Variants in TRAPPC9 observed in about 807,000 individuals in gnomAD.
TRAPPC9 encodes the protein trafficking protein particle complex subunit 9.
Under a neutral mutation model 124.0 loss-of-function variants are expected in TRAPPC9, and 83 were observed. That is an observed-to-expected ratio of 0.67 (90% CI 0.56 to 0.80). The LOEUF (loss-of-function observed/expected upper bound fraction) is 0.80, where lower values mean the gene tolerates loss of function less well. TRAPPC9 is among the 30% of genes least tolerant of loss of function. TRAPPC9 has a pLI of 0.00. For missense variants in TRAPPC9, 1,302 were observed against 1,508.3 expected, an observed-to-expected ratio of 0.86 and a Z score of 2.27; for synonymous variants, 638 against 617.5, an observed-to-expected ratio of 1.03 and a Z score of -0.49.
chr8:140,221,626 G>C (rs1025731673), intron 16 of TRAPPC9, 43 bp from the exon 17 acceptor site: 1 of 1,588,332 alleles, frequency 6.3e-7, no homozygotes, highest in Non-Finnish European at 8.6e-7. Context: ...CGTCAGCTTG[G>C]TTTTGGGGTT....
At chr8:140,434,774 G>A (rs1163443009) in intron 4 of TRAPPC9, among the ~76,000 whole-genome samples, 1 of 152,024 alleles carries the variant, frequency 6.6e-6, no homozygotes, top group Non-Finnish European at 1.5e-5. Flanking sequence ...TTCGAGACCA[G>A]CCTGGCCAAC....
At chr8:140,392,990 C>T (rs1159771978) in intron 7 of TRAPPC9, among the ~76,000 whole-genome samples, 1 of 151,660 alleles carries the variant, frequency 6.6e-6, no homozygotes, top group Admixed American at 6.6e-5. Flanking sequence ...TCACAACTTA[C>T]AGCAACTCTA....
Position 140,023,960 on chromosome 8 carries a change from T to C in TRAPPC9, c.2676A>G (p.Arg892=). The C allele has an allele frequency of 6.2e-7, 1 of 1,614,006 alleles. No individual in the cohort carries two copies. ...VEVEPSVFFT[R]VSTLPATSTR... Reference sequence around the variant, plus strand: ...ACCTGGTTGCTGGGAGGGTGCTGACTCGGGTGAAAAATACAGACGGCTCGA... The same window carrying C: ...ACCTGGTTGCTGGGAGGGTGCTGACCCGGGTGAAAAATACAGACGGCTCGA... Residue 892 remains arginine, a synonymous_variant, in exon 18 of 23, where the codon CGA becomes CGG. Transcript: ENST00000438773.
intron 17 of TRAPPC9, among the ~76,000 whole-genome samples, chr8:140,110,136 GGCTCTGCTCT>G (rs145764908): frequency 6.6e-5 from 10 of 150,430 alleles, no homozygotes; most frequent in African/African-American, 1.2e-4. Context: ...TAGACTGCCA[GGCTCTGCTCT>G]GCTCTGCTCT....
At chr8:140,400,920 A>G (rs2069242769) in intron 6 of TRAPPC9, among the ~76,000 whole-genome samples, 2 of 151,940 alleles carry the variant, frequency 1.3e-5, no homozygotes, top group Non-Finnish European at 2.9e-5. Context: ...TCTACTCCAA[A>G]CCTTATTTTT....
intron 17 of TRAPPC9, among the ~76,000 whole-genome samples, chr8:140,134,150 C>G (rs1194242948): frequency 1.3e-5 from 2 of 152,148 alleles, no homozygotes. Flanking sequence ...AAAGTATCTA[C>G]AAAGCCACGG....
intron 17 of TRAPPC9, among the ~76,000 whole-genome samples, chr8:140,047,165 A>G (rs559931876): frequency 6.6e-6 from 1 of 152,308 alleles, no homozygotes; most frequent in East Asian, 1.9e-4. Context: ...GAGGAGCTAA[A>G]TATAGCTCCT....
chr8:139,888,188 G>A (rs951203989), intron 20 of TRAPPC9, among the ~76,000 whole-genome samples: 2 of 152,200 alleles, frequency 1.3e-5, no homozygotes, highest in African/African-American at 2.4e-5. Flanking sequence ...CTCTGAGGCC[G>A]GCAGAGATGC....
chr8:139,977,292 G>A (rs1836541181), intron 19 of TRAPPC9, among the ~76,000 whole-genome samples: 1 of 151,978 alleles, frequency 6.6e-6, no homozygotes, highest in African/African-American at 2.4e-5. Flanking sequence ...ATCTGCCGAT[G>A]GAGATTCACA....
chr8:140,353,872 G>A lies in TRAPPC9; in HGVS notation c.1495+6178C>T, dbSNP rs897587890. On this transcript the variant is annotated intron_variant, in intron 9 of 22. Transcript: ENST00000438773. This position sits in a 1 kb window ranked among gnomAD's most constrained non-coding sequence, Gnocchi z 4.2. ...TATGCGTGACAGTTGGTGTCTTTGA[G>A]GAGCTTAGAGGCTTGCTGGGTGGGC... 1.3e-5 allele frequency among the ~76,000 whole-genome samples: 2 copies of A among 152,198 alleles called. No individual in the cohort carries two copies. The highest frequency in any genetic ancestry group is 2.9e-5 in the Non-Finnish European group (2 of 68,040).
At chr8:140,064,716 T>A (rs1398173284) in intron 17 of TRAPPC9, among the ~76,000 whole-genome samples, 1 of 152,204 alleles carries the variant, frequency 6.6e-6, no homozygotes, top group African/African-American at 2.4e-5. Context: ...TTAGCCAGTG[T>A]TATCTCAGCA....
chr8:139,964,759 T>C (rs984689036), intron 19 of TRAPPC9, among the ~76,000 whole-genome samples: 1 of 152,212 alleles, frequency 6.6e-6, no homozygotes, highest in Non-Finnish European at 1.5e-5. Flanking sequence ...CTTTGAGTCC[T>C]CAACAAATTT....
chr8:140,299,287 C>T (rs1168920990), intron 11 of TRAPPC9, among the ~76,000 whole-genome samples: 1 of 151,526 alleles, frequency 6.6e-6, no homozygotes, highest in Non-Finnish European at 1.5e-5. Context: ...CCCGACAGAG[C>T]GGGAGGGGTG....
rs956898135 is a variant in TRAPPC9, at chr8:140,371,079, G to A, written c.1236C>T (p.Ala412=). ...CGATGCTTGGGGCCACGCACTGCAT[G>A]GCGGCCACGCGCTTGAAGAACGCAG... ...RKSAFFKRVA[A]MQCVAPSIAE... Residue 412 remains alanine (A), a synonymous_variant, in exon 8 of 23, where the codon GCC becomes GCT. Transcript: ENST00000438773. 3 of 1,614,260 alleles carry A rather than the reference G, an allele frequency of 1.9e-6. No homozygotes were observed. The highest frequency in any genetic ancestry group is 2.7e-5 in the African/African-American group (2 of 75,082).
chr8:140,099,561 G>A (rs547955874), intron 17 of TRAPPC9: 2 of 150,654 alleles, frequency 1.3e-5, no homozygotes, highest in African/African-American at 4.9e-5. Flanking sequence ...CCGTCCGCAG[G>A]GAAGACACTC....
chr8:140,207,142 C>T (rs575648034), intron 17 of TRAPPC9, among the ~76,000 whole-genome samples: 9 of 152,342 alleles, frequency 5.9e-5, no homozygotes, highest in African/African-American at 2.2e-4. Flanking sequence ...CAACCTCCTT[C>T]ACCATAAGAA....
intron 16 of TRAPPC9, among the ~76,000 whole-genome samples, chr8:140,234,048 T>A (rs889797796): frequency 6.6e-6 from 1 of 152,172 alleles, no homozygotes; most frequent in African/African-American, 2.4e-5. Flanking sequence ...TTAAATACAA[T>A]TAATAATGAG....
Position 139,788,577 on chromosome 8 carries a change from C to T in TRAPPC9, c.3056-56375G>A, listed in dbSNP as rs1160791084. On this transcript the variant is annotated intron_variant, in intron 21 of 22. Transcript: ENST00000438773. This position sits in a 1 kb window ranked among gnomAD's most constrained non-coding sequence, Gnocchi z 4.9. ...GCCAGCAGACCCTGGCATGGAGGTC[C>T]GTGGCCACTCCACGACAGCCCATGA... Among the ~76,000 whole-genome samples the T allele has an allele frequency of 3.9e-5, 6 of 152,164 alleles. No individual in the cohort carries two copies. The highest frequency in any genetic ancestry group is 1.4e-4 in the African/African-American group (6 of 41,450).
intron 21 of TRAPPC9, among the ~76,000 whole-genome samples, chr8:139,749,458 C>G (rs1389380286): frequency 6.6e-6 from 1 of 152,206 alleles, no homozygotes; most frequent in Admixed American, 6.5e-5. Context: ...TGGTTTCAAA[C>G]AGGCTCACTA....
Sources: allele counts gnomAD v4.1 joint callset (sites outside exome capture counted in the v4.1 genomes callset), GRCh38; gene constraint gnomAD v4.1.1; non-coding constraint Gnocchi (gnomAD v3.1); transcripts MANE v1.5; gene names NCBI Gene and HGNC (gene_info 2026-07-23, HGNC 2026-07-21).